CTNNA3: variants seen among roughly 807,000 people sequenced by gnomAD.
The protein encoded by CTNNA3 is catenin alpha 3, also known as catenin alpha-3.
A neutral mutation model predicts 95.7 loss-of-function variants in CTNNA3; 76 were observed. The observed-to-expected ratio is 0.79, with a 90% CI of 0.66 to 0.96. The LOEUF is 0.96. Among genes scored for constraint, CTNNA3 ranks in the 40% least tolerant of loss-of-function variants. CTNNA3 has a pLI of 0.00. For synonymous variants in CTNNA3, 431 were observed against 374.4 expected (o/e 1.15, Z -1.74); for missense variants, 1,191 against 1,089.8 (o/e 1.09, Z -1.31).
intron 7 of CTNNA3, among the ~76,000 whole-genome samples, chr10:66,861,226 A>T (rs7901776): frequency 0.88 from 133,399 of 152,178 alleles, 58,869 homozygotes; most frequent in African/African-American, 0.97. Flanking sequence ...TTACAGTAGA[A>T]CCTTGAATAA....
At chr10:67,307,406 C>A (rs974175152) in intron 5 of CTNNA3, among the ~76,000 whole-genome samples, 1 of 152,118 alleles carries the variant, frequency 6.6e-6, no homozygotes, top group Non-Finnish European at 1.5e-5. Flanking sequence ...CAACAGATGG[C>A]ATGAAAAGCC....
intron 11 of CTNNA3, among the ~76,000 whole-genome samples, chr10:66,460,981 A>G (rs1233911715): frequency 6.6e-6 from 1 of 152,138 alleles, no homozygotes; most frequent in Admixed American, 6.6e-5. Context: ...TTTTAGGAAA[A>G]AAGAAAAAAC....
chr10:66,643,869 A>C (rs185329570), intron 9 of CTNNA3, among the ~76,000 whole-genome samples: 1 of 152,274 alleles, frequency 6.6e-6, no homozygotes, highest in Admixed American at 6.5e-5. Flanking sequence ...CATTCAAATA[A>C]GTTTTACACA....
chr10:66,834,003 A>G (rs1842812676), intron 7 of CTNNA3, among the ~76,000 whole-genome samples: 1 of 152,200 alleles, frequency 6.6e-6, no homozygotes, highest in Admixed American at 6.5e-5. Context: ...TTGGGAAGGT[A>G]CCTTATCAAA....
At chr10:66,245,194 C>T (rs1589836405) in intron 13 of CTNNA3, among the ~76,000 whole-genome samples, 1 of 152,208 alleles carries the variant, frequency 6.6e-6, no homozygotes, top group East Asian at 1.9e-4. Context: ...GGGCAGACAG[C>T]TACAGGTGCT....
intron 7 of CTNNA3, among the ~76,000 whole-genome samples, chr10:66,796,954 T>C (rs887028562): frequency 2.0e-5 from 3 of 152,072 alleles, no homozygotes; most frequent in Non-Finnish European, 4.4e-5. Flanking sequence ...ATTATTATTT[T>C]TATCCTTCGT....
intron 9 of CTNNA3, among the ~76,000 whole-genome samples, chr10:66,709,270 G>A (rs1211324120): frequency 6.6e-6 from 1 of 152,030 alleles, no homozygotes; most frequent in African/African-American, 2.4e-5. Flanking sequence ...CCTGTGCTTG[G>A]ATGTGGCACA....
chr10:66,239,860 G>A (rs929323043), intron 13 of CTNNA3, among the ~76,000 whole-genome samples: 2 of 151,776 alleles, frequency 1.3e-5, no homozygotes, highest in African/African-American at 4.8e-5. Flanking sequence ...TTTGCCCAAT[G>A]TGTTTAGTTT....
At chr10:66,305,056 T>C (rs892634282) in intron 12 of CTNNA3, among the ~76,000 whole-genome samples, 8 of 152,076 alleles carry the variant, frequency 5.3e-5, no homozygotes, top group Non-Finnish European at 8.8e-5. Context: ...GCCTTTCACA[T>C]GCAGGCTCAT....
chr10:65,952,107 A>G (rs2077629928), intron 17 of CTNNA3, among the ~76,000 whole-genome samples: 1 of 152,178 alleles, frequency 6.6e-6, no homozygotes, highest in Non-Finnish European at 1.5e-5. Context: ...TATAACATAA[A>G]GAGATTATTT....
At chr10:65,988,011 T>C (rs1442151020) in intron 16 of CTNNA3, among the ~76,000 whole-genome samples, 1 of 152,032 alleles carries the variant, frequency 6.6e-6, no homozygotes, top group Non-Finnish European at 1.5e-5. Context: ...AATAGAATAA[T>C]GGTTATCAGG....
intron 11 of CTNNA3, among the ~76,000 whole-genome samples, chr10:66,409,923 T>C (rs1024474016): frequency 2.0e-5 from 3 of 152,174 alleles, no homozygotes; most frequent in Non-Finnish European, 2.9e-5. Flanking sequence ...GAAATCTCCA[T>C]ACTCAGGAAG....
intron 7 of CTNNA3, among the ~76,000 whole-genome samples, chr10:67,007,234 T>C (rs576982328): frequency 6.6e-6 from 1 of 152,306 alleles, no homozygotes; most frequent in Admixed American, 6.5e-5. Context: ...CATCAACACA[T>C]TGAACTGAAA....
intron 11 of CTNNA3, among the ~76,000 whole-genome samples, chr10:66,493,534 T>C (rs1300730981): frequency 6.6e-6 from 1 of 152,020 alleles, no homozygotes; most frequent in African/African-American, 2.4e-5. Context: ...CTTTCAAATC[T>C]ACCTGGCACT....
chr10:66,018,503 C>T (rs975232092), intron 15 of CTNNA3, among the ~76,000 whole-genome samples: 1 of 152,026 alleles, frequency 6.6e-6, no homozygotes, highest in Non-Finnish European at 1.5e-5. Context: ...ACAATTATGA[C>T]ATCTATTTTA....
At chr10:67,464,762 A>C (rs1847519330) in intron 5 of CTNNA3, among the ~76,000 whole-genome samples, 1 of 152,106 alleles carries the variant, frequency 6.6e-6, no homozygotes, top group South Asian at 2.1e-4. Context: ...AACCCAGGGA[A>C]TGATTATTCA....
chr10:67,485,344 G>T lies in CTNNA3; in HGVS notation c.579+36498C>A, dbSNP rs189096644. ...GGTGGGGACATTGGGAACTACTAGAGGTTAGAGGAAGAAGAGGAGTAATAG... is the reference window on the plus strand; with the variant it reads ...GGTGGGGACATTGGGAACTACTAGATGTTAGAGGAAGAAGAGGAGTAATAG... On this transcript the variant is annotated intron_variant, in intron 5 of 17. Transcript: ENST00000433211. Among the ~76,000 whole-genome samples the T allele has an allele frequency of 5.9e-3, 896 of 152,246 alleles. 4 individuals carry two copies. The highest frequency in any genetic ancestry group is 0.023 in the South Asian group (109 of 4,824).
At chr10:66,569,623 G>T (rs1164160282) in intron 10 of CTNNA3, among the ~76,000 whole-genome samples, 2 of 152,212 alleles carry the variant, frequency 1.3e-5, no homozygotes, top group African/African-American at 4.8e-5. Flanking sequence ...CATGAACTTT[G>T]ATGGTAGGTG....
At chr10:67,019,638 G>A (rs1471989463) in intron 7 of CTNNA3, among the ~76,000 whole-genome samples, 1 of 152,226 alleles carries the variant, frequency 6.6e-6, no homozygotes, top group African/African-American at 2.4e-5. Context: ...GTTACACAGT[G>A]TGAGTCATTG....
Sources: allele counts gnomAD v4.1 joint callset (sites outside exome capture counted in the v4.1 genomes callset), GRCh38; gene constraint gnomAD v4.1.1; transcripts MANE v1.5; gene names NCBI Gene and HGNC (gene_info 2026-07-23, HGNC 2026-07-21).